CTIF: variants seen among roughly 807,000 people sequenced by gnomAD.
CTIF encodes cap binding complex dependent translation initiation factor.
CTIF carries 21 observed loss-of-function variants against 66.0 expected under a neutral mutation model. The ratio of observed to expected loss-of-function variants is 0.32; its 90% confidence interval spans 0.23 to 0.46. The LOEUF is 0.46. Ranked by LOEUF, CTIF falls within the 20% of genes least tolerant of loss-of-function variation. The pLI, the probability that CTIF is intolerant of heterozygous loss-of-function variation, is 1.00. For synonymous variants in CTIF, 345 were observed against 326.4 expected, an observed-to-expected ratio of 1.06 and a Z score of -0.62; for missense variants, 739 against 812.7, an observed-to-expected ratio of 0.91 and a Z score of 1.10.
intron 6 of CTIF, 150 bp downstream of exon 6, chr18:48,670,894 G>C: frequency 1.6e-6 from 1 of 642,804 alleles, no homozygotes; most frequent in Non-Finnish European, 2.8e-6. Context: ...GGCAGGGCTG[G>C]CTACCTGCCA....
At chr18:48,760,864 C>G (rs1908919302) in intron 8 of CTIF, 1 of 153,974 alleles carries the variant, frequency 6.5e-6, no homozygotes, top group South Asian at 2.0e-4. Context: ...GCTGTGCCCA[C>G]AGGGGGCCCT....
intron 3 of CTIF, among the ~76,000 whole-genome samples, chr18:48,639,970 G>A (rs537506530): frequency 7.2e-5 from 11 of 152,266 alleles, no homozygotes; most frequent in African/African-American, 2.4e-4. Context: ...TTTGAGTGAC[G>A]GCACCCCAAG....
At chr18:48,823,222 C>CA (rs879628619) in intron 10 of CTIF, among the ~76,000 whole-genome samples, 140 of 140,538 alleles carry the variant, frequency 1.0e-3, no homozygotes, top group Admixed American at 1.6e-3. Flanking sequence ...GAGTCATATC[C>CA]AAAAAAAAAA....
intron 7 of CTIF, among the ~76,000 whole-genome samples, chr18:48,714,541 G>A (rs2092261349): frequency 6.6e-6 from 1 of 152,220 alleles, no homozygotes; most frequent in Admixed American, 6.5e-5. Context: ...TGCTGCTGAA[G>A]CTAGGAGCAT....
chr18:48,789,595 T>C (rs756226799), intron 9 of CTIF, among the ~76,000 whole-genome samples: 4 of 152,214 alleles, frequency 2.6e-5, no homozygotes, highest in Non-Finnish European at 5.9e-5. Context: ...ACCATATTCA[T>C]GGACTAGAAT....
At chr18:48,752,987 A>T (rs1010726225) in intron 7 of CTIF, among the ~76,000 whole-genome samples, 5 of 152,128 alleles carry the variant, frequency 3.3e-5, no homozygotes, top group African/African-American at 1.2e-4. Flanking sequence ...CCTGGGTCCT[A>T]TATGCCATCG....
intron 9 of CTIF, among the ~76,000 whole-genome samples, chr18:48,788,443 G>A (rs557041891): frequency 2.8e-4 from 43 of 152,268 alleles, no homozygotes; most frequent in Non-Finnish European, 4.7e-4. Flanking sequence ...CTGTAAATAA[G>A]TGGCCTGAAG....
At chr18:48,803,132 C>G (rs2068079407) in intron 9 of CTIF, among the ~76,000 whole-genome samples, 1 of 152,238 alleles carries the variant, frequency 6.6e-6, no homozygotes, top group Non-Finnish European at 1.5e-5. Context: ...CTGAGCCTAC[C>G]TGACCTGATT....
chr18:48,854,006 T>C (rs961543410), intron 10 of CTIF, among the ~76,000 whole-genome samples: 1 of 152,214 alleles, frequency 6.6e-6, no homozygotes, highest in Non-Finnish European at 1.5e-5. Flanking sequence ...TACCCTCTTC[T>C]CACCTTCTAC....
At chr18:48,750,596 A>G (rs1907706374) in intron 7 of CTIF, among the ~76,000 whole-genome samples, 1 of 152,250 alleles carries the variant, frequency 6.6e-6, no homozygotes, top group African/African-American at 2.4e-5. Flanking sequence ...TTCCCAGCAC[A>G]GATGGAAACC....
chr18:48,792,130 A>G (rs754425765), intron 9 of CTIF, among the ~76,000 whole-genome samples: 12 of 152,206 alleles, frequency 7.9e-5, no homozygotes, highest in Non-Finnish European at 1.6e-4. Context: ...TTGGGGGACA[A>G]TTTTAAATAG....
rs141259800 is a variant in CTIF, at chr18:48,619,641, C to T, written c.76C>T (p.Arg26Cys). The T allele has an allele frequency of 6.5e-5, 105 of 1,605,672 alleles. No individual in the cohort carries two copies. The highest frequency in any genetic ancestry group is 9.0e-5 in the East Asian group (4 of 44,544). The change falls in exon 2 of 12, where the codon CGC becomes TGC. Residue 26 changes from arginine (R) to cysteine (C), a missense_variant. By Grantham distance (180) the Arg-to-Cys change is radical. Around this residue, in one of 2 missense-constraint regions of CTIF, gnomAD observed 529 missense variants for 520.3 expected, o/e 1.02. Transcript: ENST00000256413. ...SRSQEIEELERFIDSYVLEYQ... is the reference protein window; with the variant it reads ...SRSQEIEELECFIDSYVLEYQ... ...CTCCCAGGAGATCGAGGAGCTGGAGCGCTTCATCGACAGCTACGTGCTGGA... is the reference window on the plus strand; with the variant it reads ...CTCCCAGGAGATCGAGGAGCTGGAGTGCTTCATCGACAGCTACGTGCTGGA...
chr18:48,615,858 C>G (rs1382786519), intron 1 of CTIF, among the ~76,000 whole-genome samples: 6 of 152,212 alleles, frequency 3.9e-5, no homozygotes, highest in Non-Finnish European at 8.8e-5. Flanking sequence ...GAAGGAATGG[C>G]CGAGAGGACG....
In CTIF at chr18:48,619,845, G is replaced by A. The variant is rs550202741; in HGVS notation, c.180+100G>A. On this transcript the variant is annotated intron_variant, in intron 2 of 11. Coordinates refer to ENST00000256413, the MANE Select transcript of CTIF (RefSeq NM_014772.3). ...GCATCCAGTTGCCTGACACTAGACC[G>A]CCAAGGCATGAATGGTCCCACCCAG... 5.7e-5 allele frequency: 69 copies of A among 1,211,016 alleles called. 1 individual carries two copies. In the Admixed American group the frequency reaches 6.1e-4, roughly 11 times the overall value. The allele number at this position is 1,211,016 out of a possible 1,614,324, so 75.0% of individuals were successfully genotyped here.
At chr18:48,717,402 A>AAAATAAATAAATAAAT (rs145983579) in intron 7 of CTIF, among the ~76,000 whole-genome samples, 1 of 144,872 alleles carries the variant, frequency 6.9e-6, no homozygotes, top group Non-Finnish European at 1.5e-5. Flanking sequence ...CTGTCTTTAA[A>AAAATAAATAAATAAAT]AAATAAATAA....
intron 1 of CTIF, among the ~76,000 whole-genome samples, chr18:48,611,485 T>C (rs1458108362): frequency 1.3e-5 from 2 of 152,270 alleles, no homozygotes; most frequent in African/African-American, 4.8e-5. Flanking sequence ...CACCCATTTC[T>C]AGCCCTCTGG....
intron 9 of CTIF, among the ~76,000 whole-genome samples, chr18:48,768,712 C>G (rs947506788): frequency 6.6e-6 from 1 of 151,942 alleles, no homozygotes; most frequent in African/African-American, 2.4e-5. Context: ...GAGTTTGAGA[C>G]CAGCCTGGGC....
chr18:48,733,385 G>A (rs542566490), intron 7 of CTIF, among the ~76,000 whole-genome samples: 4 of 152,292 alleles, frequency 2.6e-5, no homozygotes, highest in East Asian at 3.9e-4. Context: ...AGATCCAGCC[G>A]CAGCCTGAGT....
At chr18:48,802,425 G>A (rs1462741786) in intron 9 of CTIF, among the ~76,000 whole-genome samples, 1 of 152,252 alleles carries the variant, frequency 6.6e-6, no homozygotes, top group Non-Finnish European at 1.5e-5. Flanking sequence ...GGAGGGAAGT[G>A]TAAGGCAGGG....
Sources: gnomAD v4.1 joint callset for allele counts (sites outside exome capture counted in the v4.1 genomes callset) on GRCh38, gnomAD v4.1.1 for gene constraint, gnomAD v4.1.1 regional missense constraint, MANE v1.5 for transcripts, NCBI Gene and HGNC (gene_info 2026-07-23, HGNC 2026-07-21) for gene names.